CNR1: variants seen among roughly 807,000 people sequenced by gnomAD.
CNR1 encodes the protein cannabinoid receptor 1.
CNR1 carries 10 observed loss-of-function variants against 23.0 expected under a neutral mutation model. That is an observed-to-expected ratio of 0.43 (90% CI 0.27 to 0.74). The LOEUF (loss-of-function observed/expected upper bound fraction) is 0.74, where lower values mean the gene tolerates loss of function less well. Ranked by LOEUF, CNR1 falls within the 30% of genes least tolerant of loss-of-function variation. The probability of loss-of-function intolerance (pLI) is 0.19; values close to 1 mark genes in which losing one functional copy is unlikely to be tolerated. For synonymous variants in CNR1, 271 were observed against 255.2 expected (o/e 1.06, Z -0.59); for missense variants, 422 against 618.8 (o/e 0.68, Z 3.37).
At chr6:88,153,798 C>T (rs568276578) in intron 1 of CNR1, among the ~76,000 whole-genome samples, 2 of 152,298 alleles carry the variant, frequency 1.3e-5, no homozygotes, top group African/African-American at 4.8e-5. Context: ...ATGTCTAAGT[C>T]ATGCTGTCAA....
intron 1 of CNR1, among the ~76,000 whole-genome samples, chr6:88,153,590 T>C (rs1777644000): frequency 6.6e-6 from 1 of 152,256 alleles, no homozygotes; most frequent in African/African-American, 2.4e-5. Flanking sequence ...GGTTCTGTTG[T>C]TCACTTGGCT....
chr6:88,155,666 T>C (rs1021557784), intron 1 of CNR1, among the ~76,000 whole-genome samples: 2 of 152,220 alleles, frequency 1.3e-5, no homozygotes, highest in Non-Finnish European at 2.9e-5. Context: ...GAAGGAATGA[T>C]CTGTTGACCA....
chr6:88,160,593 C>A (rs1778049608), intron 1 of CNR1, among the ~76,000 whole-genome samples: 1 of 151,954 alleles, frequency 6.6e-6, no homozygotes, highest in African/African-American at 2.4e-5. Flanking sequence ...TGCCACCATG[C>A]CCGGCTAATT....
At chr6:88,146,509 G>C (rs1334036381) in intron 1 of CNR1, among the ~76,000 whole-genome samples, 2 of 152,216 alleles carry the variant, frequency 1.3e-5, no homozygotes, top group African/African-American at 4.8e-5. Context: ...GAGACAGGCT[G>C]GAGAGTGTCC....
chr6:88,161,499 T>C (rs1028496513), intron 1 of CNR1, among the ~76,000 whole-genome samples: 1 of 152,222 alleles, frequency 6.6e-6, no homozygotes, highest in African/African-American at 2.4e-5. Context: ...ATGGAAAATA[T>C]CAATGGAAAC....
rs1176244810 is a variant in CNR1 at position 88,143,841 on chromosome 6, A to T, written c.*15T>A. 1.9e-6 allele frequency: 3 copies of T among 1,600,188 alleles called. No homozygotes were observed. In the East Asian group the frequency reaches 6.7e-5, roughly 36 times the overall value. On this transcript the variant is annotated 3_prime_UTR_variant, in exon 2 of 2. Transcript: ENST00000369501. ...AAAAAAATTCTTTTCCTGTGCTGCC[A>T]GGGAGGCATCAGGCTCACAGAGCCT...
At chr6:88,164,167 T>C (rs1778248818) in intron 1 of CNR1, 1 of 152,366 alleles carries the variant, frequency 6.6e-6, no homozygotes, top group African/African-American at 2.4e-5. Flanking sequence ...AAGGCCAGAA[T>C]TGGGTATTTC....
intron 1 of CNR1, among the ~76,000 whole-genome samples, chr6:88,157,385 G>A (rs1035576536): frequency 6.6e-6 from 1 of 152,056 alleles, no homozygotes; most frequent in African/African-American, 2.4e-5. Context: ...TCTCGCTTTG[G>A]TTGAGCAACT....
At chr6:88,145,943 G>A (rs1252649056) in intron 1 of CNR1, among the ~76,000 whole-genome samples, 2 of 152,198 alleles carry the variant, frequency 1.3e-5, no homozygotes, top group African/African-American at 4.8e-5. Flanking sequence ...AGGCCATGTG[G>A]GGAGAGATGC....
At chr6:88,163,247 C>T (rs1778198108) in intron 1 of CNR1, among the ~76,000 whole-genome samples, 1 of 152,184 alleles carries the variant, frequency 6.6e-6, no homozygotes, top group Non-Finnish European at 1.5e-5. Context: ...GAAGCTATAA[C>T]CAAATCTTTC....
chr6:88,147,057 C>G (rs1233294271), intron 1 of CNR1, among the ~76,000 whole-genome samples: 1 of 152,126 alleles, frequency 6.6e-6, no homozygotes, highest in African/African-American at 2.4e-5. Context: ...CTTTGGGAGG[C>G]TGAGGTGGGC....
At position 88,144,992 on chromosome 6, in the gene CNR1, TCTC is replaced by T. The variant is rs1263031132; in HGVS notation, c.280_282del (p.Glu94del). On this transcript the variant is annotated inframe_deletion, in exon 2 of 2. Coordinates refer to ENST00000369501, the MANE Select transcript of CNR1 (RefSeq NM_016083.6). The surrounding 1 kb of genome is among the most constrained non-coding windows in gnomAD (Gnocchi z 7.8). ...ATGAAGTTCTCCCCACACTGGATGT[TCTC>T]CTCATTCTCCTTGAAGGACGAGAGA... is the stretch of plus-strand genomic sequence containing the variant. 1.9e-6 allele frequency: 3 copies of T among 1,614,078 alleles called. No homozygotes were observed. The highest frequency in any genetic ancestry group is 2.5e-6 in the Non-Finnish European group (3 of 1,180,042).
intron 1 of CNR1, among the ~76,000 whole-genome samples, chr6:88,160,548 C>T (rs1314073449): frequency 1.3e-5 from 2 of 151,230 alleles, no homozygotes; most frequent in Non-Finnish European, 2.9e-5. Context: ...AATTCTCCCA[C>T]TTCAACCTCC....
chr6:88,164,693 T>C (rs560260606), intron 1 of CNR1, among the ~76,000 whole-genome samples: 1 of 152,326 alleles, frequency 6.6e-6, no homozygotes, highest in East Asian at 1.9e-4. Context: ...TAAAGTCCTA[T>C]GGGAACCTTA....
chr6:88,145,111 C>G lies in CNR1; in HGVS notation c.164G>C (p.Gly55Ala), dbSNP rs780029930. 35 of 1,614,070 alleles carry G rather than the reference C, an allele frequency of 2.2e-5. No individual in the cohort carries two copies. The highest frequency in any genetic ancestry group is 2.7e-5 in the Non-Finnish European group (32 of 1,180,030). ...AGTCATCTTCTCTTGGAAGGGACTT[C>G]CCCTAAAGGAAGTTAAAGGGAATTT... ...PQKFPLTSFR[G>A]SPFQEKMTAG... The change falls in exon 2 of 2, where the codon GGA becomes GCA. Residue 55 changes from glycine to alanine, a missense_variant. By Grantham distance (60) the Gly-to-Ala change is moderately conservative (BLOSUM62 0). Transcript: ENST00000369501.
Position 88,140,199 on chromosome 6 carries a change from A to G in CNR1, c.*3657T>C, listed in dbSNP as rs888711784. The G allele has an allele frequency of 6.5e-6, 1 of 152,814 alleles. No homozygotes were observed. Among genetic ancestry groups the G allele is most frequent in the Non-Finnish European group, 1.5e-5 (1 of 68,044 alleles). The allele number at this position is 152,814 out of a possible 1,614,324, so 9.5% of individuals were successfully genotyped here. ...TATTCTTCTAAGAGGAAAAGTAATAATGTTAGATTTACAGACAATAAAGAG... is the reference window on the plus strand; with the variant it reads ...TATTCTTCTAAGAGGAAAAGTAATAGTGTTAGATTTACAGACAATAAAGAG... On this transcript the variant is annotated 3_prime_UTR_variant, in exon 2 of 2. Coordinates refer to ENST00000369501, the MANE Select transcript of CNR1 (RefSeq NM_016083.6).
rs772800072 is a variant in CNR1, at chr6:88,145,058, C to G, written c.217G>C (p.Ala73Pro). The part of the protein sequence containing the change: ...TAGDNPQLVP[A>P]DQVNITEFYN... ...AATTCTGTAATGTTCACCTGGTCTG[C>G]TGGGACTAGCTGGGGGTTGTCTCCC... Residue 73 changes from alanine (A) to proline (P), a missense_variant, in exon 2 of 2, where the codon GCA becomes CCA. Ala to Pro is a conservative substitution (Grantham distance 27). Transcript: ENST00000369501. 1 of 1,614,134 alleles carries G rather than the reference C, an allele frequency of 6.2e-7. No homozygotes were observed. Among genetic ancestry groups the G allele is most frequent in the Admixed American group, 1.7e-5 (1 of 60,030 alleles).
intron 1 of CNR1, among the ~76,000 whole-genome samples, chr6:88,159,209 G>A (rs780641053): frequency 2.6e-5 from 4 of 152,130 alleles, no homozygotes; most frequent in Non-Finnish European, 5.9e-5. Flanking sequence ...TAACATGTCA[G>A]CTTATTTCTT....
intron 1 of CNR1, among the ~76,000 whole-genome samples, chr6:88,149,621 T>C (rs143980668): frequency 3.3e-5 from 5 of 152,340 alleles, no homozygotes; most frequent in South Asian, 2.1e-4. Context: ...CCTGAGTGAC[T>C]TGCTGCTCTT....
Sources: gnomAD v4.1 joint callset for allele counts (sites outside exome capture counted in the v4.1 genomes callset) on GRCh38, gnomAD v4.1.1 for gene constraint, Gnocchi (gnomAD v3.1) non-coding constraint, MANE v1.5 for transcripts, NCBI Gene and HGNC (gene_info 2026-07-23, HGNC 2026-07-21) for gene names.